The following SI variants were observed in gnomAD, a reference collection of about 807,000 sequenced individuals.
SI encodes sucrase-isomaltase, also known as sucrase-isomaltase, intestinal.
A neutral mutation model predicts 253.3 loss-of-function variants in SI; 235 were observed. The observed-to-expected ratio is 0.93, with a 90% confidence interval of 0.83 to 1.03. The LOEUF is 1.03. Among genes scored for constraint, SI ranks in the 50% least tolerant of loss-of-function variants. The probability of loss-of-function intolerance (pLI) is 0.00; values close to 1 mark genes in which losing one functional copy is unlikely to be tolerated. For missense variants in SI, 2,442 were observed against 2,211.1 expected, an observed-to-expected ratio of 1.10 and a Z score of -2.09; for synonymous variants, 819 against 712.0, an observed-to-expected ratio of 1.15 and a Z score of -2.39.
the SI span, among the ~76,000 whole-genome samples, chr3:165,084,336 G>A: frequency 6.6e-6 from 1 of 152,014 alleles, no homozygotes; most frequent in Admixed American, 6.6e-5. Flanking sequence ...TTTTGTTACA[G>A]AAACCCAGAC....
chr3:164,988,941 A>G (rs528010971), intron 44 of SI, among the ~76,000 whole-genome samples: 3 of 152,208 alleles, frequency 2.0e-5, no homozygotes, highest in African/African-American at 7.2e-5. Flanking sequence ...GGTGATAGAC[A>G]GAAATCTGGG....
intron 44 of SI, among the ~76,000 whole-genome samples, chr3:164,990,914 T>C (rs1717702175): frequency 6.7e-6 from 1 of 150,294 alleles, no homozygotes; most frequent in Non-Finnish European, 1.5e-5. Flanking sequence ...AAAAAATGAA[T>C]AGCATTGGAC....
At chr3:164,988,481 A>T (rs75465562) in intron 44 of SI, among the ~76,000 whole-genome samples, 1 of 152,172 alleles carries the variant, frequency 6.6e-6, no homozygotes, top group East Asian at 1.9e-4. Context: ...TCATAAAAAA[A>T]TAAGGATTAT....
chr3:165,003,686 G>A (rs1006540889), intron 37 of SI, among the ~76,000 whole-genome samples: 1 of 152,066 alleles, frequency 6.6e-6, no homozygotes, highest in African/African-American at 2.4e-5. Flanking sequence ...AACCCTGTCT[G>A]CTCATTAGAA....
Position 165,039,099 on chromosome 3 carries a change from A to G in SI, c.2280T>C (p.Ala760=). 6.3e-7 allele frequency: 1 copy of G among 1,593,270 alleles called. No homozygotes were observed. Among genetic ancestry groups the G allele is most frequent in the Non-Finnish European group, 8.6e-7 (1 of 1,162,636 alleles). The part of the protein sequence containing the change: ...ADTVSAYIPD[A]IWYDYESGAK... ...TTACAGATTCATAATCATACCAAAT[A>G]GCATCAGGGATGTAGGCACTCACAG... Residue 760 remains alanine (A), a synonymous_variant, in exon 20 of 48, where the codon GCT becomes GCC. Transcript: ENST00000264382.
intron 5 of SI, 35 bp downstream of exon 5, chr3:165,068,687 T>C (rs1368567800): frequency 2.0e-6 from 3 of 1,468,514 alleles, no homozygotes; most frequent in Admixed American, 3.3e-5. Flanking sequence ...AAATGTCTTT[T>C]AGTATTAAAT....
At chr3:165,088,547 A>C in the SI span, among the ~76,000 whole-genome samples, 5 of 151,982 alleles carry the variant, frequency 3.3e-5, no homozygotes, top group Non-Finnish European at 7.4e-5. Flanking sequence ...AGGCTGAGGC[A>C]GAAGAATCTC....
chr3:165,064,646 T>A (rs1268529552), intron 7 of SI, among the ~76,000 whole-genome samples: 1 of 152,084 alleles, frequency 6.6e-6, no homozygotes, highest in Admixed American at 6.6e-5. Flanking sequence ...AATAATACAC[T>A]AATAGGATTA....
chr3:164,988,054 A>G (rs376882930), intron 44 of SI, among the ~76,000 whole-genome samples: 3 of 152,190 alleles, frequency 2.0e-5, no homozygotes, highest in Admixed American at 1.3e-4. Context: ...ATGTTCCTGC[A>G]TAGGGCTACT....
At chr3:165,003,877 G>A (rs1718371511) in intron 37 of SI, among the ~76,000 whole-genome samples, 2 of 151,976 alleles carry the variant, frequency 1.3e-5, no homozygotes, top group Admixed American at 6.6e-5. Flanking sequence ...AAGAAGAAAT[G>A]AAAGAGGAAT....
intron 33 of SI, 64 bp from the exon 34 acceptor site, chr3:165,013,106 A>G: frequency 1.0e-6 from 1 of 996,108 alleles, no homozygotes; most frequent in Non-Finnish European, 1.6e-6. Context: ...ATTGCTATGT[A>G]GATGAAGTGT....
intron 45 of SI, among the ~76,000 whole-genome samples, chr3:164,986,605 T>C (rs1037333353): frequency 1.3e-5 from 2 of 152,210 alleles, no homozygotes; most frequent in African/African-American, 4.8e-5. Context: ...TCTGTATCTT[T>C]GGGCCTTTAT....
chr3:165,077,818 C>T (rs1715099609), intron 1 of SI, among the ~76,000 whole-genome samples: 2 of 151,586 alleles, frequency 1.3e-5, no homozygotes, highest in South Asian at 2.1e-4. Flanking sequence ...ACAAACTCTC[C>T]TTTGTCTAGA....
chr3:165,043,308 A>C, intron 16 of SI, 133 bp from the exon 17 acceptor site: 1 of 628,182 alleles, frequency 1.6e-6, no homozygotes, highest in Admixed American at 2.8e-5. Flanking sequence ...ATGCTTCCTT[A>C]AACCAATTTA....
At position 165,039,108 on chromosome 3, in the gene SI, G is replaced by T; in HGVS notation, c.2271C>A (p.Ile757=). ...KQGADTVSAY[I]PDAIWYDYES... ...CATAATCATACCAAATAGCATCAGG[G>T]ATGTAGGCACTCACAGTATCTGCTC... The change falls in exon 20 of 48, where the codon ATC becomes ATA. Residue 757 remains isoleucine (I), a synonymous_variant. Transcript: ENST00000264382. The T allele has an allele frequency of 6.3e-7, 1 of 1,594,726 alleles. No homozygotes were observed. The highest frequency in any genetic ancestry group is 1.3e-5 in the African/African-American group (1 of 74,628).
intron 15 of SI, among the ~76,000 whole-genome samples, chr3:165,048,544 A>AAT (rs1353404955): frequency 6.0e-5 from 8 of 132,876 alleles, no homozygotes; most frequent in South Asian, 2.4e-4. Context: ...GTCTTAGTTA[A>AAT]ATATATATAT....
intron 7 of SI, among the ~76,000 whole-genome samples, chr3:165,064,778 T>C (rs1714155539): frequency 6.6e-6 from 1 of 151,988 alleles, no homozygotes; most frequent in Non-Finnish European, 1.5e-5. Context: ...GAACATTAAG[T>C]TTCAGTAGTT....
At chr3:164,989,255 GAATC>G (rs1285951207) in intron 44 of SI, among the ~76,000 whole-genome samples, 1 of 151,204 alleles carries the variant, frequency 6.6e-6, no homozygotes, top group African/African-American at 2.4e-5. Context: ...TGTGGCAGGG[GAATC>G]GCTGGAACCC....
At position 164,992,321 on chromosome 3, in the gene SI, G is replaced by C. The variant is rs1433649965; in HGVS notation, c.4918C>G (p.Leu1640Val). ...TATGTGGTAGGACTTACAGGTTCCA[G>C]TACTGGGGTAACCATAAATGCTGGA... Reference protein sequence around the residue: ...WGPAFMVTPVLEPYVQTVNAY... With the variant: ...WGPAFMVTPVVEPYVQTVNAY... The change falls in exon 42 of 48, where the codon CTG (leucine) becomes GTG (valine). Residue 1640 changes from leucine to valine, a missense_variant. By Grantham distance (32) the Leu-to-Val change is conservative. Transcript: ENST00000264382. The C allele has an allele frequency of 1.2e-6, 2 of 1,613,254 alleles. No homozygotes were observed. The highest frequency in any genetic ancestry group is 4.5e-5 in the East Asian group (2 of 44,812).
Sources: allele counts gnomAD v4.1 joint callset (sites outside exome capture counted in the v4.1 genomes callset), GRCh38; gene constraint gnomAD v4.1.1; transcripts MANE v1.5; gene names NCBI Gene and HGNC (gene_info 2026-07-23, HGNC 2026-07-21).